The following FAM135B variants were observed in gnomAD, a reference collection of about 807,000 sequenced individuals.
FAM135B encodes protein FAM135B.
A neutral mutation model predicts 127.7 loss-of-function variants in FAM135B; 43 were observed. The observed-to-expected ratio is 0.34, with a 90% CI of 0.26 to 0.43. The LOEUF is 0.43. FAM135B is among the 20% of genes least tolerant of loss of function. The pLI, the probability that FAM135B is intolerant of heterozygous loss-of-function variation, is 1.00. For synonymous variants in FAM135B, 670 were observed against 665.1 expected (o/e 1.01, Z -0.11); for missense variants, 1,558 against 1,725.6 (o/e 0.90, Z 1.72).
At chr8:138,266,681 T>C (rs565719701) in intron 3 of FAM135B, among the ~76,000 whole-genome samples, 2 of 149,348 alleles carry the variant, frequency 1.3e-5, no homozygotes, top group East Asian at 3.9e-4. Context: ...TAAATAGCAC[T>C]GCCCAGGGTT....
chr8:138,254,938 G>A (rs1821963693), intron 5 of FAM135B, among the ~76,000 whole-genome samples: 2 of 151,302 alleles, frequency 1.3e-5, no homozygotes, highest in African/African-American at 4.9e-5. Context: ...AGCTGCCCAT[G>A]TTATGAACAG....
chr8:138,345,483 G>A (rs74425673), intron 2 of FAM135B, among the ~76,000 whole-genome samples: 3,267 of 152,236 alleles, frequency 0.021, 48 homozygotes, highest in Non-Finnish European at 0.032. Flanking sequence ...AATTCTAAAC[G>A]GACAGGGTGG....
chr8:138,373,284 T>C lies in FAM135B; in HGVS notation c.-19-5282A>G, dbSNP rs565172695. On this transcript the variant is annotated intron_variant, in intron 1 of 19. Coordinates refer to ENST00000395297, the MANE Select transcript of FAM135B (RefSeq NM_015912.4). ...CATGGACATTTATTAGTTCCCCAAA[T>C]TAATACTTTTATAATTTCTTATGCC... is the stretch of plus-strand genomic sequence containing the variant. 9.9e-5 allele frequency among the ~76,000 whole-genome samples: 15 copies of C among 152,136 alleles called. No individual in the cohort carries two copies. The South Asian group carries it at 2.9e-3, about 30-fold the overall frequency.
chr8:138,343,961 C>T (rs1473795216), intron 2 of FAM135B, among the ~76,000 whole-genome samples: 3 of 152,116 alleles, frequency 2.0e-5, no homozygotes, highest in African/African-American at 4.8e-5. Context: ...TCACCCAATG[C>T]AGATCTTCGA....
chr8:138,222,664 T>C (rs1363712320), intron 7 of FAM135B, among the ~76,000 whole-genome samples: 1 of 147,910 alleles, frequency 6.8e-6, no homozygotes, highest in African/African-American at 2.5e-5. Flanking sequence ...GTTTGTAGGA[T>C]TTTTGTTGGT....
chr8:138,214,114 T>C (rs993175632), intron 7 of FAM135B, among the ~76,000 whole-genome samples: 2 of 152,022 alleles, frequency 1.3e-5, no homozygotes, highest in Non-Finnish European at 2.9e-5. Flanking sequence ...CGTTACCAAA[T>C]CCATTGCGCA....
intron 8 of FAM135B, among the ~76,000 whole-genome samples, chr8:138,196,919 C>T (rs1248050575): frequency 6.6e-6 from 1 of 152,196 alleles, no homozygotes; most frequent in African/African-American, 2.4e-5. Context: ...TCAGGTCCAT[C>T]GTCTGTCAAT....
At chr8:138,139,456 C>G (rs564136357) in intron 17 of FAM135B, among the ~76,000 whole-genome samples, 89 of 152,252 alleles carry the variant, frequency 5.8e-4, no homozygotes, top group African/African-American at 2.1e-3. Context: ...TACAGTAAAG[C>G]TAAAATAAAT....
Position 138,242,013 on chromosome 8 carries a change from C to T in FAM135B, c.669+929G>A, listed in dbSNP as rs548839468. Among the ~76,000 whole-genome samples, 8 of 152,174 alleles carry T rather than the reference C, an allele frequency of 5.3e-5. No homozygotes were observed. The highest frequency in any genetic ancestry group is 1.9e-4 in the African/African-American group (8 of 41,520). ...CCTTTGGACTTAGACTTGCAAGGGG[C>T]CTTATAACACTAGCTTTCCTGGTTC... On this transcript the variant is annotated intron_variant, in intron 7 of 19. Coordinates refer to ENST00000395297, the MANE Select transcript of FAM135B (RefSeq NM_015912.4). The surrounding 1 kb of genome is among the most constrained non-coding windows in gnomAD (Gnocchi z 9.6).
At chr8:138,406,402 T>C (rs200663927) in intron 1 of FAM135B, among the ~76,000 whole-genome samples, 4 of 151,840 alleles carry the variant, frequency 2.6e-5, no homozygotes, top group South Asian at 2.1e-4. Flanking sequence ...CTCCCTAACT[T>C]ATTTTATGAG....
At chr8:138,198,423 T>C (rs16908562) in intron 7 of FAM135B, among the ~76,000 whole-genome samples, 19,049 of 152,218 alleles carry the variant, frequency 0.13, 1,511 homozygotes, top group East Asian at 0.38. Context: ...GGGTGCACTA[T>C]AGAGGCCATG....
At chr8:138,341,613 A>G (rs1202437045) in intron 2 of FAM135B, among the ~76,000 whole-genome samples, 3 of 152,230 alleles carry the variant, frequency 2.0e-5, no homozygotes, top group African/African-American at 7.2e-5. Flanking sequence ...AAAATTGAAA[A>G]AAATTAAAAA....
chr8:138,167,977 A>T lies in FAM135B; in HGVS notation c.1176T>A (p.Pro392=), dbSNP rs1563720487. The T allele has an allele frequency of 6.2e-7, 1 of 1,613,880 alleles. No homozygotes were observed. Among genetic ancestry groups the T allele is most frequent in the Non-Finnish European group, 8.5e-7 (1 of 1,179,952 alleles). Residue 392 remains proline, a synonymous_variant, in exon 12 of 20, where the codon CCT becomes CCA. Transcript: ENST00000395297. ...SEYLTSMPPL[P]AECLDIDGDW... Reference sequence around the variant, plus strand: ...CGCCGTCGATGTCCAGGCACTCTGCAGGCAGCGGGGGCATGCTAGTGAGGT... The same window carrying T: ...CGCCGTCGATGTCCAGGCACTCTGCTGGCAGCGGGGGCATGCTAGTGAGGT...
chr8:138,298,126 G>C (rs1825609877), intron 3 of FAM135B, among the ~76,000 whole-genome samples: 2 of 152,108 alleles, frequency 1.3e-5, no homozygotes, highest in African/African-American at 4.8e-5. Flanking sequence ...TTATCACATA[G>C]GGAAGATGTG....
At chr8:138,217,979 C>T (rs1025386227) in intron 7 of FAM135B, among the ~76,000 whole-genome samples, 6 of 152,150 alleles carry the variant, frequency 3.9e-5, no homozygotes, top group Non-Finnish European at 8.8e-5. Context: ...TCAAAAATTA[C>T]CTCTGTCTTC....
At chr8:138,372,311 C>T (rs1362847100) in intron 1 of FAM135B, among the ~76,000 whole-genome samples, 7 of 152,302 alleles carry the variant, frequency 4.6e-5, no homozygotes, top group East Asian at 3.9e-4. Context: ...CTTACACCTG[C>T]GTACAGACAG....
At chr8:138,373,462 A>G (rs1450721891) in intron 1 of FAM135B, among the ~76,000 whole-genome samples, 2 of 150,894 alleles carry the variant, frequency 1.3e-5, no homozygotes, top group South Asian at 4.3e-4. Flanking sequence ...ATGTCGCCTC[A>G]GGACCCTGTG....
chr8:138,496,153 T>G (rs1226102628), intron 1 of FAM135B, among the ~76,000 whole-genome samples: 2 of 152,204 alleles, frequency 1.3e-5, no homozygotes, highest in Admixed American at 6.5e-5. Flanking sequence ...TGACTGGGCT[T>G]GAAGCTGGCT....
chr8:138,385,815 AAAC>A (rs1832168788), intron 1 of FAM135B, among the ~76,000 whole-genome samples: 1 of 152,196 alleles, frequency 6.6e-6, no homozygotes, highest in Non-Finnish European at 1.5e-5. Context: ...AAAAAAACAA[AAAC>A]AATAACAAAA....
Sources: allele counts gnomAD v4.1 joint callset (sites outside exome capture counted in the v4.1 genomes callset), GRCh38; gene constraint gnomAD v4.1.1; non-coding constraint Gnocchi (gnomAD v3.1); transcripts MANE v1.5; gene names NCBI Gene and HGNC (gene_info 2026-07-23, HGNC 2026-07-21).